CLDN10: variants seen among roughly 807,000 people sequenced by gnomAD.
CLDN10 encodes claudin-10.
CLDN10 carries 15 observed loss-of-function variants against 22.9 expected under a neutral mutation model. The ratio of observed to expected loss-of-function variants is 0.65; its 90% CI spans 0.44 to 1.01. The LOEUF (loss-of-function observed/expected upper bound fraction) is 1.01, where lower values mean the gene tolerates loss of function less well. CLDN10 is among the 50% of genes least tolerant of loss of function. CLDN10 has a pLI of 0.00. For synonymous variants in CLDN10, 114 were observed against 111.4 expected (o/e 1.02, Z -0.15); for missense variants, 247 against 287.8 (o/e 0.86, Z 1.03).
rs778401094 is a variant in CLDN10 at position 95,577,338 on chromosome 13, G to C, written c.572G>C (p.Arg191Thr). 1 of 1,600,284 alleles carries C rather than the reference G, an allele frequency of 6.2e-7. No homozygotes were observed. The highest frequency in any genetic ancestry group is 8.6e-7 in the Non-Finnish European group (1 of 1,167,710). Reference sequence around the variant, plus strand: ...ATATCTGACAACAACAAAACACCCAGGTATGAAAAAGAGACAAAAATGACC... The same window carrying C: ...ATATCTGACAACAACAAAACACCCACGTATGAAAAAGAGACAAAAATGACC... The part of the protein sequence containing the change: ...FSISDNNKTP[R>T]YTYNGATSVM... The change falls in exon 4 of 5, where the codon AGA becomes ACA. Residue 191 changes from arginine to threonine, a missense_variant and splice_region_variant. By Grantham distance (71) the Arg-to-Thr change is moderately conservative. Coordinates refer to ENST00000299339, the MANE Select transcript of CLDN10 (RefSeq NM_006984.5).
intron 3 of CLDN10, among the ~76,000 whole-genome samples, chr13:95,569,022 T>C (rs1203203433): frequency 6.6e-6 from 1 of 152,132 alleles, no homozygotes; most frequent in East Asian, 1.9e-4. Context: ...TAGGAGGCTG[T>C]TGTCAGGATT....
chr13:95,465,001 A>T lies in CLDN10; in HGVS notation c.214+30954A>T, dbSNP rs186755618. Among the ~76,000 whole-genome samples, 27 of 152,302 alleles carry T rather than the reference A, an allele frequency of 1.8e-4. No individual in the cohort carries two copies. In the East Asian group the frequency reaches 4.6e-3, roughly 26 times the overall value. ...CTTGGCCTCCCAAAGTGCTAGGGTA[A>T]CAGGTTGTATTAGTCCATTTTCACA... On this transcript the variant is annotated intron_variant, in intron 1 of 4. Coordinates refer to the CLDN10 transcript ENST00000376873.
At chr13:95,475,775 A>C (rs1250321827) in intron 1 of CLDN10, among the ~76,000 whole-genome samples, 2 of 147,958 alleles carry the variant, frequency 1.4e-5, no homozygotes, top group African/African-American at 4.9e-5. Context: ...GCATGGGTCG[A>C]GGGTCCCTGC....
chr13:95,519,970 C>T (rs1329045609), intron 1 of CLDN10, among the ~76,000 whole-genome samples: 1 of 152,038 alleles, frequency 6.6e-6, no homozygotes, highest in Non-Finnish European at 1.5e-5. Context: ...AAGAGTTGCT[C>T]ATGCAATCAA....
chr13:95,576,598 C>T (rs2043930989), intron 3 of CLDN10, among the ~76,000 whole-genome samples: 1 of 152,160 alleles, frequency 6.6e-6, no homozygotes, highest in African/African-American at 2.4e-5. Context: ...TAGCACTGTT[C>T]ATACCTTTGT....
At position 95,471,461 on chromosome 13, in the gene CLDN10, T is replaced by A. The variant is rs1392403439; in HGVS notation, c.214+37414T>A. On this transcript the variant is annotated intron_variant, in intron 1 of 4. Coordinates refer to the CLDN10 transcript ENST00000376873. ...CACACATATATATATATATTTTTTT[T>A]TTTTTTTTTGAGATGGAGTCTTGCT... Among the ~76,000 whole-genome samples, 249 of 116,480 alleles carry A rather than the reference T, an allele frequency of 2.1e-3. 5 individuals carry two copies. The highest frequency in any genetic ancestry group is 6.8e-3 in the African/African-American group (228 of 33,552). The allele number at this position is 116,480 out of a possible 152,430, so 76.4% of individuals were successfully genotyped here. A position where few individuals can be genotyped will look rare whatever the true frequency, so the allele number is the denominator to read the frequency against.
At chr13:95,566,506 A>G (rs906947916) in intron 3 of CLDN10, among the ~76,000 whole-genome samples, 1 of 152,142 alleles carries the variant, frequency 6.6e-6, no homozygotes, top group African/African-American at 2.4e-5. Context: ...AGTTCATTGT[A>G]GATTCTGGAT....
intron 1 of CLDN10, among the ~76,000 whole-genome samples, chr13:95,530,697 T>C (rs1031090624): frequency 1.3e-5 from 2 of 152,256 alleles, no homozygotes; most frequent in Non-Finnish European, 2.9e-5. Flanking sequence ...CTTGTGCTTA[T>C]ATTTTTTATT....
chr13:95,476,388 G>A (rs1247172025), intron 1 of CLDN10, among the ~76,000 whole-genome samples: 1 of 152,134 alleles, frequency 6.6e-6, no homozygotes, highest in Non-Finnish European at 1.5e-5. Context: ...ATTCACAGGT[G>A]AGTCTTCTCT....
intron 1 of CLDN10, among the ~76,000 whole-genome samples, chr13:95,527,026 G>C (rs2043288820): frequency 6.6e-6 from 1 of 152,138 alleles, no homozygotes; most frequent in Admixed American, 6.5e-5. Flanking sequence ...GAACAGAGCT[G>C]AGTATGAAAT....
At chr13:95,541,167 A>G (rs2043456144) in intron 1 of CLDN10, among the ~76,000 whole-genome samples, 1 of 152,248 alleles carries the variant, frequency 6.6e-6, no homozygotes, top group African/African-American at 2.4e-5. Context: ...AATAGTTGTA[A>G]AGGAAATCAG....
intron 1 of CLDN10, among the ~76,000 whole-genome samples, chr13:95,536,428 G>A (rs1316337939): frequency 3.3e-5 from 5 of 152,036 alleles, no homozygotes; most frequent in East Asian, 3.9e-4. Flanking sequence ...CAGCCCAGGC[G>A]ACAGAGCAAG....
intron 1 of CLDN10, among the ~76,000 whole-genome samples, chr13:95,553,207 C>G (rs1001328047): frequency 6.6e-6 from 1 of 152,172 alleles, no homozygotes; most frequent in Admixed American, 6.5e-5. Context: ...AGGGGGGACA[C>G]GCAGACAGGC....
At chr13:95,495,618 C>T (rs1170940990) in intron 1 of CLDN10, among the ~76,000 whole-genome samples, 3 of 151,400 alleles carry the variant, frequency 2.0e-5, no homozygotes, top group Non-Finnish European at 2.9e-5. Context: ...GTGGCGCGCG[C>T]CTGTAATCCC....
intron 1 of CLDN10, among the ~76,000 whole-genome samples, chr13:95,492,188 T>G (rs2042879246): frequency 1.3e-5 from 2 of 151,952 alleles, no homozygotes. Flanking sequence ...GCTGTAGTCA[T>G]GTGGAAAGGG....
intron 1 of CLDN10, among the ~76,000 whole-genome samples, chr13:95,479,008 A>T (rs17189726): frequency 6.6e-6 from 1 of 152,086 alleles, no homozygotes; most frequent in Non-Finnish European, 1.5e-5. Context: ...TGCCTGTGAG[A>T]GCAATCATCA....
chr13:95,553,436 ACCTC>A (rs2043593319), intron 1 of CLDN10, among the ~76,000 whole-genome samples: 3 of 142,408 alleles, frequency 2.1e-5, no homozygotes, highest in Non-Finnish European at 4.6e-5. Flanking sequence ...GTTTGTCCTG[ACCTC>A]CCTTGAGCCA....
chr13:95,461,897 A>G (rs1308551402), intron 1 of CLDN10, among the ~76,000 whole-genome samples: 1 of 151,950 alleles, frequency 6.6e-6, no homozygotes, highest in Non-Finnish European at 1.5e-5. Context: ...TTCAAGACCA[A>G]CCTGGGCAAC....
In CLDN10 at chr13:95,577,942, A is replaced by G; in HGVS notation, c.615A>G (p.Thr205=). ...NGATSVMSSR[T]KYHGGEDFKT... ...CCACATCTGTCATGTCTTCTCGGAC[A>G]AAGTATCATGGTGGAGAAGATTTTA... Residue 205 remains threonine, a synonymous_variant, in exon 5 of 5, where the codon ACA becomes ACG. Transcript: ENST00000299339. 1 of 1,613,968 alleles carries G rather than the reference A, an allele frequency of 6.2e-7. No homozygotes were observed.
Sources: gnomAD v4.1 joint callset for allele counts (sites outside exome capture counted in the v4.1 genomes callset) on GRCh38, gnomAD v4.1.1 for gene constraint, MANE v1.5 for transcripts, NCBI Gene and HGNC (gene_info 2026-07-23, HGNC 2026-07-21) for gene names.